The following BCAS3 variants were observed in gnomAD, a reference collection of about 807,000 sequenced individuals.
BCAS3 encodes BCAS4/BCAS3 fusion.
A neutral mutation model predicts 116.1 loss-of-function variants in BCAS3; 53 were observed. The observed-to-expected ratio is 0.46, with a 90% CI of 0.37 to 0.57. The LOEUF is 0.57. Among genes scored for constraint, BCAS3 ranks in the 20% least tolerant of loss-of-function variants. The pLI is 0.00. For synonymous variants in BCAS3, 391 were observed against 408.2 expected (o/e 0.96, Z 0.51); for missense variants, 917 against 1,165.4 (o/e 0.79, Z 3.10).
chr17:60,831,333 C>T (rs533394988), intron 7 of BCAS3, among the ~76,000 whole-genome samples: 3 of 151,758 alleles, frequency 2.0e-5, no homozygotes, highest in South Asian at 2.1e-4. Context: ...CGTGCCACCA[C>T]GCCTAGCTAA....
intron 5 of BCAS3, among the ~76,000 whole-genome samples, chr17:60,709,970 C>T (rs1440994278): frequency 6.6e-6 from 1 of 152,018 alleles, no homozygotes; most frequent in African/African-American, 2.4e-5. Context: ...AATTATCTTC[C>T]AGTAGATGAG....
intron 3 of BCAS3, among the ~76,000 whole-genome samples, chr17:60,688,454 C>T (rs1055794736): frequency 6.6e-6 from 1 of 151,982 alleles, no homozygotes; most frequent in Non-Finnish European, 1.5e-5. Context: ...TGCATGCCAC[C>T]ATGCCCAGAT....
chr17:60,689,892 G>T, intron 4 of BCAS3, 131 bp downstream of exon 4: 1 of 624,314 alleles, frequency 1.6e-6, no homozygotes, highest in Non-Finnish European at 2.8e-6. Context: ...AAAATAAAAG[G>T]TAGCATAACC....
intron 15 of BCAS3, among the ~76,000 whole-genome samples, chr17:60,997,444 G>A (rs935610529): frequency 6.6e-6 from 1 of 152,202 alleles, no homozygotes; most frequent in African/African-American, 2.4e-5. Context: ...ATTTAGAGGA[G>A]ACAGAGGATG....
Position 60,780,289 on chromosome 17 carries a change from A to ATTT in BCAS3, c.404-27700_404-27698dup, listed in dbSNP as rs76897536. Among the ~76,000 whole-genome samples the ATTT allele has an allele frequency of 6.3e-3, 804 of 127,314 alleles. 4 individuals carry two copies. Among genetic ancestry groups the ATTT allele is most frequent in the African/African-American group, 0.021 (758 of 35,404 alleles). 83.5% of individuals were successfully genotyped at this position (127,314 alleles called of 152,430 possible). ...AGGCGTGAGCCACCATGCCCTGCCTATTTTTTTTTTTTTTTTTAATTTTTT... is the reference window on the plus strand; with the variant it reads ...AGGCGTGAGCCACCATGCCCTGCCTATTTTTTTTTTTTTTTTTTTTAATTTTTT... On this transcript the variant is annotated intron_variant, in intron 6 of 23. Coordinates refer to ENST00000407086, the MANE Select transcript of BCAS3 (RefSeq NM_017679.5).
intron 14 of BCAS3, among the ~76,000 whole-genome samples, chr17:60,970,254 T>TA (rs1316528182): frequency 1.3e-5 from 2 of 152,010 alleles, no homozygotes; most frequent in South Asian, 2.1e-4. Flanking sequence ...TTGCTATACA[T>TA]AAAAAATCAA....
At chr17:60,765,139 T>G (rs992367549) in intron 6 of BCAS3, among the ~76,000 whole-genome samples, 5 of 152,216 alleles carry the variant, frequency 3.3e-5, no homozygotes, top group African/African-American at 1.2e-4. Flanking sequence ...CTTGACTCTC[T>G]ATCCACTTTG....
chr17:61,044,465 A>AAAT lies in BCAS3; in HGVS notation c.2029+3574_2029+3575insATA. Among the ~76,000 whole-genome samples the AAAT allele has an allele frequency of 3.9e-3, 470 of 120,096 alleles. 16 individuals carry two copies. The highest frequency in any genetic ancestry group is 0.022 in the African/African-American group (445 of 20,030). The allele number at this position is 120,096 out of a possible 152,430, so 78.8% of individuals were successfully genotyped here. ...CTGTCTCAAAAAAAAAAAAAAAAAA[A>AAAT]ATATATATATATATGCCATAAGAAC... On this transcript the variant is annotated intron_variant, in intron 19 of 23. Transcript: ENST00000407086.
chr17:60,811,751 T>C (rs979527590), intron 7 of BCAS3, among the ~76,000 whole-genome samples: 10 of 152,246 alleles, frequency 6.6e-5, no homozygotes, highest in Admixed American at 2.0e-4. Flanking sequence ...ATAAAAGATA[T>C]AGAAAGTGAA....
chr17:61,311,954 G>A (rs141161616), intron 22 of BCAS3, among the ~76,000 whole-genome samples: 11 of 152,256 alleles, frequency 7.2e-5, no homozygotes, highest in South Asian at 4.1e-4. Context: ...GAAAAGATAC[G>A]TTTTTAAGTC....
In BCAS3 at chr17:61,068,206, T is replaced by A. The variant is rs1475695049; in HGVS notation, c.2030-6714T>A. Among the ~76,000 whole-genome samples the A allele has an allele frequency of 1.3e-5, 2 of 152,244 alleles. No individual in the cohort carries two copies. Among genetic ancestry groups the A allele is most frequent in the Non-Finnish European group, 2.9e-5 (2 of 68,036 alleles). ...CCATTGAACTTGGATTTGCAAGATA[T>A]GTAACTTTATTTTTCTTTAAATAAA... is the stretch of plus-strand genomic sequence containing the variant. On this transcript the variant is annotated intron_variant, in intron 19 of 23. Transcript: ENST00000407086. The surrounding 1 kb of genome is among the most constrained non-coding windows in gnomAD (Gnocchi z 4.3).
In BCAS3 at chr17:61,136,037, G is replaced by T. The variant is rs147078799; in HGVS notation, c.2425+51473G>T. On this transcript the variant is annotated intron_variant, in intron 22 of 23. Coordinates refer to ENST00000407086, the MANE Select transcript of BCAS3 (RefSeq NM_017679.5). This position sits in a 1 kb window ranked among gnomAD's most constrained non-coding sequence, Gnocchi z 4.4. ...TGCCATGGCCACCGCCACTGCCGCC[G>T]CCTCCTCCTTCTTCCCTGCACCCCT... 0.011 allele frequency: 1,812 copies of T among 159,232 alleles called. 19 individuals are homozygous for T. Among genetic ancestry groups the T allele is most frequent in the South Asian group, 0.015 (89 of 5,846 alleles). 9.9% of individuals were successfully genotyped at this position (159,232 alleles called of 1,614,324 possible). A position where few individuals can be genotyped will look rare whatever the true frequency, so the allele number is the denominator to read the frequency against.
chr17:60,836,374 A>G (rs1331246612), intron 7 of BCAS3, among the ~76,000 whole-genome samples: 2 of 152,266 alleles, frequency 1.3e-5, no homozygotes, highest in East Asian at 1.9e-4. Flanking sequence ...AATGCTCAAC[A>G]TACAACAGTG....
intron 8 of BCAS3, among the ~76,000 whole-genome samples, chr17:60,872,316 T>G (rs976291574): frequency 2.0e-5 from 3 of 151,858 alleles, no homozygotes; most frequent in African/African-American, 4.8e-5. Context: ...TGTACTTATA[T>G]GTATATCTGT....
At chr17:61,170,860 G>T (rs1480696820) in intron 22 of BCAS3, among the ~76,000 whole-genome samples, 1 of 152,090 alleles carries the variant, frequency 6.6e-6, no homozygotes, top group African/African-American at 2.4e-5. Context: ...ACATTCTAGA[G>T]ATCTACAGAG....
chr17:61,136,703 G>T lies in BCAS3; in HGVS notation c.2425+52139G>T, dbSNP rs2076661424. Among the ~76,000 whole-genome samples, 1 of 152,184 alleles carries T rather than the reference G, an allele frequency of 6.6e-6. No homozygotes were observed. Among genetic ancestry groups the T allele is most frequent in the Admixed American group, 6.5e-5 (1 of 15,278 alleles). ...GCCTCCTGAGTAGCTGGGATTACAG[G>T]TGTGTGCCACCACACGCAGCTAATT... On this transcript the variant is annotated intron_variant, in intron 22 of 23. Coordinates refer to ENST00000407086, the MANE Select transcript of BCAS3 (RefSeq NM_017679.5). This position sits in a 1 kb window ranked among gnomAD's most constrained non-coding sequence, Gnocchi z 4.4.
Position 61,388,981 on chromosome 17 carries a change from CAT to C in BCAS3, c.2594-2995_2594-2994del, listed in dbSNP as rs2059995180. On this transcript the variant is annotated intron_variant, in intron 23 of 23. Coordinates refer to ENST00000407086, the MANE Select transcript of BCAS3 (RefSeq NM_017679.5). This position sits in a 1 kb window ranked among gnomAD's most constrained non-coding sequence, Gnocchi z 6.5. ...CACATCATTCATTCATTCATTCATT[CAT>C]TCATTCATTCATTCATTCATGCTAG... is the stretch of plus-strand genomic sequence containing the variant. The C allele has an allele frequency of 2.4e-6, 1 of 409,182 alleles. No homozygotes were observed. The highest frequency in any genetic ancestry group is 4.4e-6 in the Non-Finnish European group (1 of 229,026). The allele number at this position is 409,182 out of a possible 1,614,324, so 25.3% of individuals were successfully genotyped here.
chr17:61,035,877 A>G (rs1229273717), intron 17 of BCAS3, among the ~76,000 whole-genome samples: 5 of 152,182 alleles, frequency 3.3e-5, no homozygotes, highest in African/African-American at 1.2e-4. Flanking sequence ...GACAGATGGG[A>G]CAACGAGAGA....
chr17:61,187,878 C>G (rs540728502), intron 22 of BCAS3, among the ~76,000 whole-genome samples: 1 of 152,080 alleles, frequency 6.6e-6, no homozygotes, highest in East Asian at 1.9e-4. Context: ...GTATAACATG[C>G]CAAATTAATC....
Sources: allele counts gnomAD v4.1 joint callset (sites outside exome capture counted in the v4.1 genomes callset), GRCh38; gene constraint gnomAD v4.1.1; non-coding constraint Gnocchi (gnomAD v3.1); transcripts MANE v1.5; gene names NCBI Gene and HGNC (gene_info 2026-07-23, HGNC 2026-07-21).